PDE1A: variants seen among roughly 807,000 people sequenced by gnomAD.
PDE1A encodes phosphodiesterase 1A, also known as dual specificity calcium/calmodulin-dependent 3',5'-cyclic nucleotide phosphodiesterase 1A.
Under a neutral mutation model 61.7 loss-of-function variants are expected in PDE1A, and 35 were observed. The ratio of observed to expected loss-of-function variants is 0.57; its 90% CI spans 0.43 to 0.75. PDE1A has a LOEUF of 0.75. PDE1A is among the 30% of genes least tolerant of loss of function. The probability of loss-of-function intolerance (pLI) is 0.00; values close to 1 mark genes in which losing one functional copy is unlikely to be tolerated. For synonymous variants in PDE1A, 232 were observed against 213.2 expected (o/e 1.09, Z -0.77); for missense variants, 597 against 630.6 (o/e 0.95, Z 0.57).
chr2:182,669,348 G>GA, the PDE1A span, among the ~76,000 whole-genome samples: 1 of 152,174 alleles, frequency 6.6e-6, no homozygotes, highest in African/African-American at 2.4e-5. Context: ...GGGAATTATT[G>GA]TTTTGACAAA....
chr2:182,512,187 C>T (rs1689844190), intron 2 of PDE1A, among the ~76,000 whole-genome samples: 1 of 152,302 alleles, frequency 6.6e-6, no homozygotes. Flanking sequence ...TTTTCCAGCA[C>T]CTTTCTCCCC....
At chr2:182,627,220 A>C in the PDE1A span, among the ~76,000 whole-genome samples, 3 of 26,924 alleles carry the variant, frequency 1.1e-4, no homozygotes, top group East Asian at 2.8e-3. Flanking sequence ...TAAAATATAA[A>C]TAATATATTA....
At chr2:182,211,535 T>G (rs1457438588) in intron 7 of PDE1A, among the ~76,000 whole-genome samples, 1 of 152,218 alleles carries the variant, frequency 6.6e-6, no homozygotes, top group East Asian at 1.9e-4. Flanking sequence ...TTAGAATCAC[T>G]TTGTCAGAAT....
chr2:182,551,970 A>G, the PDE1A span, among the ~76,000 whole-genome samples: 96,797 of 152,124 alleles, frequency 0.64, 34,427 homozygotes, highest in East Asian at 0.95. Context: ...ATTACTCTGG[A>G]TGAACAGATA....
intron 1 of PDE1A, among the ~76,000 whole-genome samples, chr2:182,357,115 G>A (rs938563421): frequency 6.6e-6 from 1 of 151,634 alleles, no homozygotes; most frequent in Non-Finnish European, 1.5e-5. Flanking sequence ...CACCAACATG[G>A]CACATGTATA....
At chr2:182,604,244 C>T in the PDE1A span, among the ~76,000 whole-genome samples, 1 of 151,762 alleles carries the variant, frequency 6.6e-6, no homozygotes, top group African/African-American at 2.4e-5. Flanking sequence ...ATAGATATTC[C>T]ATTTACATAG....
chr2:182,240,936 A>T (rs1223531906), intron 2 of PDE1A, among the ~76,000 whole-genome samples: 1 of 152,182 alleles, frequency 6.6e-6, no homozygotes, highest in African/African-American at 2.4e-5. Flanking sequence ...GATTATGTTT[A>T]AAGCGCATTT....
the PDE1A span, among the ~76,000 whole-genome samples, chr2:182,604,933 CAAAG>C: frequency 6.6e-6 from 1 of 151,686 alleles, no homozygotes; most frequent in Non-Finnish European, 1.5e-5. Context: ...AAAAGTGAAC[CAAAG>C]AAAGAAAGAT....
chr2:182,552,061 T>C, the PDE1A span, among the ~76,000 whole-genome samples: 2 of 152,186 alleles, frequency 1.3e-5, no homozygotes, highest in African/African-American at 4.8e-5. Context: ...AGCCATCACA[T>C]ACAACTCTTT....
At chr2:182,706,195 T>A in the PDE1A span, among the ~76,000 whole-genome samples, 1 of 152,196 alleles carries the variant, frequency 6.6e-6, no homozygotes, top group African/African-American at 2.4e-5. Flanking sequence ...AAAGAGCCTC[T>A]TAGCGGCTAC....
At chr2:182,479,199 C>G (rs914390765) in intron 2 of PDE1A, among the ~76,000 whole-genome samples, 1 of 151,796 alleles carries the variant, frequency 6.6e-6, no homozygotes, top group African/African-American at 2.4e-5. Flanking sequence ...TTTTCTTAGA[C>G]AAACTCAAAT....
downstream of PDE1A, among the ~76,000 whole-genome samples, chr2:182,163,340 C>G (rs1691488225): frequency 6.6e-6 from 1 of 152,132 alleles, no homozygotes; most frequent in South Asian, 2.1e-4. Flanking sequence ...ATACCTTTGC[C>G]CTCCTACCTC....
intron 2 of PDE1A, among the ~76,000 whole-genome samples, chr2:182,440,877 T>C (rs1043298193): frequency 1.3e-5 from 2 of 152,066 alleles, no homozygotes; most frequent in African/African-American, 2.4e-5. Flanking sequence ...TTAGTATGCC[T>C]AAGCACTGAG....
At chr2:182,231,083 C>T (rs1367055931) in exon 5 of PDE1A, 1 of 1,609,604 alleles carries the variant, frequency 6.2e-7, no homozygotes, top group Admixed American at 1.7e-5. Context: ...CTATGCTCTC[C>T]ACTTGCTTCA....
chr2:182,441,610 CA>C (rs1248681623), intron 2 of PDE1A, among the ~76,000 whole-genome samples: 29 of 151,910 alleles, frequency 1.9e-4, no homozygotes, highest in African/African-American at 6.3e-4. Flanking sequence ...ACCTAGCACT[CA>C]AATTTTGTTT....
intron 1 of PDE1A, among the ~76,000 whole-genome samples, chr2:182,311,561 T>C (rs991097483): frequency 2.0e-5 from 3 of 152,194 alleles, no homozygotes; most frequent in African/African-American, 7.2e-5. Context: ...GTCATATAAA[T>C]GGAAGCATAC....
the PDE1A span, among the ~76,000 whole-genome samples, chr2:182,559,035 T>C: frequency 5.7e-3 from 868 of 152,348 alleles, 10 homozygotes; most frequent in African/African-American, 0.02. Context: ...TTAAAGGACT[T>C]ACTGTTCTCA....
intron 7 of PDE1A, among the ~76,000 whole-genome samples, chr2:182,220,671 T>C (rs745985069): frequency 6.6e-6 from 1 of 152,108 alleles, no homozygotes; most frequent in African/African-American, 2.4e-5. Flanking sequence ...TTCAAGGATT[T>C]CATGCATTAT....
At chr2:182,477,269 G>A (rs62190682) in intron 2 of PDE1A, among the ~76,000 whole-genome samples, 24,693 of 151,858 alleles carry the variant, frequency 0.16, 2,479 homozygotes, top group Middle Eastern at 0.31. Context: ...AGAGAAAAAT[G>A]TAGTCTGGTT....
Sources: gnomAD v4.1 joint callset for allele counts (sites outside exome capture counted in the v4.1 genomes callset) on GRCh38, gnomAD v4.1.1 for gene constraint, MANE v1.5 for transcripts, NCBI Gene and HGNC (gene_info 2026-07-23, HGNC 2026-07-21) for gene names.